The following NAA10 variants were observed in gnomAD, a reference collection of about 807,000 sequenced individuals.
NAA10 encodes the protein N-alpha-acetyltransferase 10.
NAA10 carries 6 observed loss-of-function variants against 19.2 expected under a neutral mutation model. The ratio of observed to expected loss-of-function variants is 0.31; its 90% CI spans 0.17 to 0.62. NAA10 has a LOEUF of 0.62. Among genes scored for constraint, NAA10 ranks in the 20% least tolerant of loss-of-function variants. NAA10 has a pLI of 0.83. For synonymous variants in NAA10, 97 were observed against 79.9 expected, an observed-to-expected ratio of 1.21 and a Z score of -1.14; for missense variants, 101 against 198.4, an observed-to-expected ratio of 0.51 and a Z score of 2.95.
At chrX:153,931,712 G>T in intron 6 of NAA10, 1 of 955,220 alleles carries the variant, frequency 1.0e-6, no homozygotes, top group Non-Finnish European at 1.3e-6. Context: ...CTAGGTGCTT[G>T]GTCATGCTTG....
rs1009861422 is a variant in NAA10, at chrX:153,934,063, G to A, written c.121-62C>T. 14 of 1,050,018 alleles carry A rather than the reference G, an allele frequency of 1.3e-5. No homozygotes were observed. In the African/African-American group the frequency reaches 1.9e-4, roughly 14 times the overall value. 86.5% of individuals were successfully genotyped at this position (1,050,018 alleles called of 1,213,427 possible). A position where few individuals can be genotyped will look rare whatever the true frequency, so the allele number is the denominator to read the frequency against. On this transcript the variant is annotated intron_variant, in intron 2 of 7. Transcript: ENST00000464845. ...CGGAGCTAGAAGAGCCCTTTAGAGGGACACAAACTGGACGAGTGGCGAGTT... is the reference window on the plus strand; with the variant it reads ...CGGAGCTAGAAGAGCCCTTTAGAGGAACACAAACTGGACGAGTGGCGAGTT...
In NAA10 at chrX:153,933,990, A is replaced by G. The variant is rs782293572; in HGVS notation, c.132T>C (p.Ile44=). The G allele has an allele frequency of 5.0e-6, 6 of 1,210,459 alleles. No individual in the cohort carries two copies. Among genetic ancestry groups the G allele is most frequent in the Non-Finnish European group, 6.7e-6 (6 of 894,485 alleles). The change falls in exon 3 of 8, where the codon ATT becomes ATC. Residue 44 remains isoleucine (I), a synonymous_variant. Transcript: ENST00000464845. The part of the protein sequence containing the change: ...HGLSWPQLSY[I]AEDENGKIVG... ...CAATCTTCCCATTCTCGTCCTCAGC[A>G]ATGTAAGAGAGCTGGTGACAGGAAA...
chrX:153,930,832 C>G lies in NAA10; in HGVS notation c.402G>C (p.Glu134Asp). 8.3e-7 allele frequency: 1 copy of G among 1,211,926 alleles called. No homozygotes were observed. Among genetic ancestry groups the G allele is most frequent in the Non-Finnish European group, 1.1e-6 (1 of 895,559 alleles). The change falls in exon 7 of 8, where the codon GAG becomes GAC. Residue 134 changes from glutamate to aspartate, a missense_variant. Glu to Asp is a conservative substitution (Grantham distance 45, BLOSUM62 2). Transcript: ENST00000464845. The part of the protein sequence containing the change: ...NTLNFQISEV[E>D]PKYYADGEDA... Reference sequence around the variant, plus strand: ...CCTCCCCATCTGCATAGTATTTGGGCTCCACTTCACTGATCCTGGGGGCAG... The same window carrying G: ...CCTCCCCATCTGCATAGTATTTGGGGTCCACTTCACTGATCCTGGGGGCAG...
chrX:153,930,640 C>T (rs1422730915), intron 7 of NAA10, 123 bp downstream of exon 7: 22 of 730,539 alleles, frequency 3.0e-5, no homozygotes, highest in African/African-American at 6.3e-5. Flanking sequence ...AAACTGAGGT[C>T]GTGACTCCTG....
chrX:153,933,395 C>T (rs1292808891), intron 3 of NAA10, among the ~76,000 whole-genome samples: 1 of 112,269 alleles, frequency 8.9e-6, no homozygotes, highest in African/African-American at 3.2e-5. Flanking sequence ...ATCGGCCAGG[C>T]GCAGTGGCTC....
intron 3 of NAA10, among the ~76,000 whole-genome samples, chrX:153,933,407 C>A (rs1009604920): frequency 8.9e-6 from 1 of 112,252 alleles, no homozygotes; most frequent in Non-Finnish European, 1.9e-5. Context: ...CAGTGGCTCA[C>A]GCCTGTAATC....
In NAA10 at chrX:153,931,708, G is replaced by A; in HGVS notation, c.386+363C>T. The A allele has an allele frequency of 4.2e-6, 4 of 948,333 alleles. No homozygotes were observed. The South Asian group carries it at 1.1e-4, about 27-fold the overall frequency. The allele number at this position is 948,333 out of a possible 1,213,427, so 78.2% of individuals were successfully genotyped here. The stretch of plus-strand genomic sequence containing the variant: ...TGCTCTCTCTTGGATTCTTCTAGGT[G>A]CTTGGTCATGCTTGAGTCCTGCTCC... On this transcript the variant is annotated intron_variant, in intron 6 of 7. Coordinates refer to ENST00000464845, the MANE Select transcript of NAA10 (RefSeq NM_003491.4).
chrX:153,932,297 C>T lies in NAA10; in HGVS notation c.341+19G>A. 1 of 1,189,300 alleles carries T rather than the reference C, an allele frequency of 8.4e-7. No individual in the cohort carries two copies. Among genetic ancestry groups the T allele is most frequent in the Non-Finnish European group, 1.1e-6 (1 of 876,226 alleles). Reference sequence around the variant, plus strand: ...GTATCTCTCCCCCTCAATCCCCCTTCCCTCAGCCCGGCTTCCACCTCTTCC... The same window carrying T: ...GTATCTCTCCCCCTCAATCCCCCTTTCCTCAGCCCGGCTTCCACCTCTTCC... On this transcript the variant is annotated intron_variant, in intron 5 of 7. Transcript: ENST00000464845.
intron 3 of NAA10, chrX:153,932,789 C>T (rs782273110): frequency 1.5e-5 from 7 of 456,501 alleles, no homozygotes; most frequent in East Asian, 7.4e-5. Flanking sequence ...GTGGGGCACA[C>T]GCCTATAGTT....
At chrX:153,931,256 T>C in intron 6 of NAA10, 2 of 905,531 alleles carry the variant, frequency 2.2e-6, no homozygotes, top group Non-Finnish European at 1.4e-6. Flanking sequence ...TGGGCAGGTG[T>C]GTGTGCAGAC....
chrX:153,932,648 C>A, intron 3 of NAA10, 64 bp from the exon 4 acceptor site: 4 of 1,053,750 alleles, frequency 3.8e-6, no homozygotes, highest in Non-Finnish European at 5.2e-6. Context: ...CTCCAGCCCC[C>A]CTGCCATTTG....
At chrX:153,934,860 C>G in intron 1 of NAA10, 24 bp downstream of exon 1, 1 of 999,056 alleles carries the variant, frequency 1.0e-6, no homozygotes, top group Non-Finnish European at 1.3e-6. Flanking sequence ...GCGGCGCGGA[C>G]AGCCTCCCGC....
chrX:153,931,000 G>C, intron 6 of NAA10, 153 bp from the exon 7 acceptor site: 20 of 1,180,759 alleles, frequency 1.7e-5, no homozygotes, highest in Non-Finnish European at 2.1e-5. Context: ...CCTGCCCTCT[G>C]TTCTCTCCAG....
intron 3 of NAA10, chrX:153,932,864 C>T (rs1200002669): frequency 2.1e-5 from 8 of 373,550 alleles, no homozygotes; most frequent in South Asian, 1.4e-4. Flanking sequence ...CCAGCCTGGA[C>T]AACACTTTTT....
At chrX:153,930,647 C>T (rs1168720640) in intron 7 of NAA10, 116 bp downstream of exon 7, 1 of 794,056 alleles carries the variant, frequency 1.3e-6, no homozygotes, top group Admixed American at 2.3e-5. Context: ...GGTCGTGACT[C>T]CTGGCAACGT....
At chrX:153,933,849 G>A in intron 3 of NAA10, 94 bp downstream of exon 3, 1 of 780,769 alleles carries the variant, frequency 1.3e-6, no homozygotes, top group Admixed American at 2.5e-5. Flanking sequence ...ACTTTCAACT[G>A]TACTGAAAAG....
chrX:153,930,619 C>T (rs1302486124), intron 7 of NAA10, 144 bp downstream of exon 7: 5 of 612,153 alleles, frequency 8.2e-6, no homozygotes, highest in African/African-American at 6.6e-5. Flanking sequence ...TCCTCTAAAG[C>T]CCAGCCTAGG....
Position 153,932,423 on chromosome X carries a change from C to T in NAA10, c.234G>A (p.Lys78=). The change falls in exon 5 of 8, where the codon AAG becomes AAA. Residue 78 remains lysine, a synonymous_variant. Transcript: ENST00000464845. ...CCAGACCGAGGCGCCGGTGGGAACG[C>T]TTCACAGCCTGGTGGGAGAAGAGCA... ...PHGHITSLAV[K]RSHRRLGLAQ... is the part of the protein sequence containing the mutation. The T allele has an allele frequency of 3.3e-6, 4 of 1,211,044 alleles. No individual in the cohort carries two copies. The highest frequency in any genetic ancestry group is 4.5e-6 in the Non-Finnish European group (4 of 894,570).
chrX:153,933,873 AT>A (rs1387765272), intron 3 of NAA10, 69 bp downstream of exon 3: 96 of 941,521 alleles, frequency 1.0e-4, no homozygotes, highest in Non-Finnish European at 1.2e-4. Context: ...AAGCCTATTC[AT>A]TTTTTTTAAA....
Sources: allele counts gnomAD v4.1 joint callset (sites outside exome capture counted in the v4.1 genomes callset), GRCh38; gene constraint gnomAD v4.1.1; transcripts MANE v1.5; gene names NCBI Gene and HGNC (gene_info 2026-07-23, HGNC 2026-07-21).